The following MAGI2 variants were observed in gnomAD, a reference collection of about 807,000 sequenced individuals.
MAGI2 encodes membrane associated guanylate kinase, WW and PDZ domain containing 2.
A neutral mutation model predicts 133.3 loss-of-function variants in MAGI2; 35 were observed. The observed-to-expected ratio is 0.26, with a 90% confidence interval of 0.20 to 0.35. The LOEUF is 0.35. Among genes scored for constraint, MAGI2 ranks in the 10% least tolerant of loss-of-function variants. The probability of loss-of-function intolerance (pLI) is 1.00; values close to 1 mark genes in which losing one functional copy is unlikely to be tolerated. For synonymous variants in MAGI2, 729 were observed against 710.6 expected (o/e 1.03, Z -0.41); for missense variants, 1,636 against 1,863.4 (o/e 0.88, Z 2.25).
chr7:79,288,050 A>G (rs1836157499), intron 1 of MAGI2, among the ~76,000 whole-genome samples: 1 of 152,144 alleles, frequency 6.6e-6, no homozygotes, highest in South Asian at 2.1e-4. Flanking sequence ...ATATTTATCA[A>G]CGCATATATA....
intron 1 of MAGI2, among the ~76,000 whole-genome samples, chr7:79,310,162 CAA>C (rs71518921): frequency 6.1e-5 from 1 of 16,290 alleles, no homozygotes; most frequent in Non-Finnish European, 1.2e-4. Flanking sequence ...GAGTCCATCT[CAA>C]AAAAAAAAAA....
chr7:78,108,671 T>TACACACATATATGTGAGTGTATAC (rs1306508266), intron 20 of MAGI2, among the ~76,000 whole-genome samples: 12 of 147,902 alleles, frequency 8.1e-5, no homozygotes, highest in African/African-American at 3.0e-4. Flanking sequence ...TGTGTGTGTA[T>TACACACATATATGTGAGTGTATAC]ACACACATAT....
chr7:79,294,177 CAAA>C (rs61385536), intron 1 of MAGI2, among the ~76,000 whole-genome samples: 6 of 65,390 alleles, frequency 9.2e-5, no homozygotes, highest in Non-Finnish European at 9.8e-5. Context: ...GACTCCGTCT[CAAA>C]AAAAAAAAAA....
At chr7:79,223,813 T>C (rs1830638461) in intron 1 of MAGI2, among the ~76,000 whole-genome samples, 1 of 152,016 alleles carries the variant, frequency 6.6e-6, no homozygotes, top group African/African-American at 2.4e-5. Context: ...TTACAGCAAA[T>C]ACAGATGACA....
chr7:78,583,134 T>A (rs1472086293), intron 3 of MAGI2, among the ~76,000 whole-genome samples: 2 of 152,140 alleles, frequency 1.3e-5, no homozygotes, highest in African/African-American at 4.8e-5. Context: ...TTGAGATGAC[T>A]TGCTAACACA....
At chr7:79,144,150 C>A (rs976698850) in intron 1 of MAGI2, among the ~76,000 whole-genome samples, 6 of 152,114 alleles carry the variant, frequency 3.9e-5, no homozygotes, top group African/African-American at 1.4e-4. Context: ...AGGCAAAGTA[C>A]CCACAGCAGT....
At position 78,608,320 on chromosome 7, in the gene MAGI2, C is replaced by T. The variant is rs149480797; in HGVS notation, c.538+18800G>A. 2.7e-3 allele frequency among the ~76,000 whole-genome samples: 416 copies of T among 152,160 alleles called. 1 individual carries two copies. The highest frequency in any genetic ancestry group is 9.2e-3 in the African/African-American group (381 of 41,494). ...CTACCCTTCCATGCCTTCCCCTGTC[C>T]CCAACTGGCTTTGAGATCATTTGCT... On this transcript the variant is annotated intron_variant, in intron 3 of 21. Transcript: ENST00000354212.
At chr7:79,340,394 A>G (rs1840799243) in intron 1 of MAGI2, among the ~76,000 whole-genome samples, 1 of 152,112 alleles carries the variant, frequency 6.6e-6, no homozygotes, top group Non-Finnish European at 1.5e-5. Context: ...GAATTCTGCC[A>G]GTTGAAATTC....
intron 2 of MAGI2, among the ~76,000 whole-genome samples, chr7:78,631,773 G>T (rs992805379): frequency 2.6e-5 from 4 of 152,092 alleles, no homozygotes; most frequent in Non-Finnish European, 5.9e-5. Context: ...TCCACCATTA[G>T]AATTACTCTT....
intron 6 of MAGI2, among the ~76,000 whole-genome samples, chr7:78,399,259 C>G (rs1358843125): frequency 6.6e-6 from 1 of 152,188 alleles, no homozygotes; most frequent in Non-Finnish European, 1.5e-5. Context: ...TGCACACACA[C>G]ACACCCAGAA....
At chr7:78,903,399 G>T (rs907090624) in intron 2 of MAGI2, among the ~76,000 whole-genome samples, 2 of 151,680 alleles carry the variant, frequency 1.3e-5, no homozygotes, top group African/African-American at 4.8e-5. Context: ...GTTTCACCAT[G>T]TTAGCCAGGA....
intron 2 of MAGI2, among the ~76,000 whole-genome samples, chr7:78,693,844 A>T (rs1223740565): frequency 6.6e-6 from 1 of 152,076 alleles, no homozygotes; most frequent in Non-Finnish European, 1.5e-5. Flanking sequence ...TGCTGCCCAC[A>T]CCCACCGCTG....
At chr7:78,910,088 G>C (rs772215015) in intron 2 of MAGI2, among the ~76,000 whole-genome samples, 6 of 151,574 alleles carry the variant, frequency 4.0e-5, no homozygotes. Flanking sequence ...TGAACAATGA[G>C]AACACATGGA....
intron 1 of MAGI2, among the ~76,000 whole-genome samples, chr7:79,055,592 T>C (rs1813082628): frequency 6.6e-6 from 1 of 152,186 alleles, no homozygotes; most frequent in African/African-American, 2.4e-5. Flanking sequence ...AGCACTTATT[T>C]ATTTATTGTA....
intron 6 of MAGI2, among the ~76,000 whole-genome samples, chr7:78,400,106 T>C (rs185889311): frequency 6.0e-4 from 91 of 152,328 alleles, no homozygotes; most frequent in Non-Finnish European, 6.3e-4. Context: ...ATTGTTTTTC[T>C]GATGACAAAA....
intron 9 of MAGI2, among the ~76,000 whole-genome samples, chr7:78,286,571 A>T (rs887633751): frequency 6.6e-6 from 1 of 152,164 alleles, no homozygotes; most frequent in Non-Finnish European, 1.5e-5. Flanking sequence ...AAGGCAAGGC[A>T]TGGTCTAGGT....
At chr7:78,774,297 A>G (rs1465097922) in intron 2 of MAGI2, among the ~76,000 whole-genome samples, 3 of 152,202 alleles carry the variant, frequency 2.0e-5, no homozygotes, top group African/African-American at 7.2e-5. Context: ...AAGCTGTTGT[A>G]GAGGATATTT....
intron 9 of MAGI2, among the ~76,000 whole-genome samples, chr7:78,308,381 G>A (rs1033383065): frequency 6.6e-6 from 1 of 152,130 alleles, no homozygotes; most frequent in Non-Finnish European, 1.5e-5. Flanking sequence ...TCGGAGTGGG[G>A]TATCCCCTTT....
intron 2 of MAGI2, among the ~76,000 whole-genome samples, chr7:78,758,418 T>C (rs1585313759): frequency 6.6e-6 from 1 of 152,328 alleles, no homozygotes; most frequent in East Asian, 1.9e-4. Context: ...AAGCCTCAAA[T>C]TCACAGAATT....
Sources: allele counts gnomAD v4.1 joint callset (sites outside exome capture counted in the v4.1 genomes callset), GRCh38; gene constraint gnomAD v4.1.1; transcripts MANE v1.5; gene names NCBI Gene and HGNC (gene_info 2026-07-23, HGNC 2026-07-21).